CHD6: variants seen among roughly 807,000 people sequenced by gnomAD.
CHD6 encodes ATP-dependent chromatin remodeler CHD6.
A neutral mutation model predicts 276.9 loss-of-function variants in CHD6; 50 were observed. That is an observed-to-expected ratio of 0.18 (90% CI 0.14 to 0.23). The LOEUF is 0.23. Among genes scored for constraint, CHD6 ranks in the 10% least tolerant of loss-of-function variants. The pLI is 1.00. For synonymous variants in CHD6, 1,173 were observed against 1,229.3 expected (o/e 0.95, Z 0.96); for missense variants, 2,564 against 3,365.8 (o/e 0.76, Z 5.89).
chr20:41,559,911 C>T (rs778633509), intron 1 of CHD6, among the ~76,000 whole-genome samples: 37 of 152,026 alleles, frequency 2.4e-4, no homozygotes, highest in Non-Finnish European at 4.7e-4. Context: ...ACTCTCTCTA[C>T]CTGCTCCTGT....
chr20:41,405,666 G>A (rs888993928), intron 36 of CHD6, among the ~76,000 whole-genome samples, 177 bp from the exon 37 acceptor site: 3 of 152,192 alleles, frequency 2.0e-5, no homozygotes, highest in African/African-American at 7.2e-5. Flanking sequence ...GTACCTGACA[G>A]GCTTCTCCCT....
At chr20:41,555,183 C>T (rs2045208701) in intron 1 of CHD6, among the ~76,000 whole-genome samples, 5 of 128,878 alleles carry the variant, frequency 3.9e-5, no homozygotes, top group South Asian at 2.6e-4. Context: ...TAGGGGCGGC[C>T]GGGCAGAGGC....
chr20:41,491,180 T>C (rs1311713226), intron 11 of CHD6, among the ~76,000 whole-genome samples: 1 of 152,062 alleles, frequency 6.6e-6, no homozygotes, highest in Non-Finnish European at 1.5e-5. Context: ...CCTAGCTTAC[T>C]GTAACTTTTT....
intron 14 of CHD6, among the ~76,000 whole-genome samples, chr20:41,485,381 T>C (rs1325313738): frequency 1.3e-5 from 2 of 152,290 alleles, no homozygotes; most frequent in Non-Finnish European, 1.5e-5. Context: ...TTAACTCTGA[T>C]GGTAAAACAA....
chr20:41,423,372 T>G (rs1420693730), intron 30 of CHD6, 120 bp downstream of exon 30: 17 of 878,088 alleles, frequency 1.9e-5, no homozygotes, highest in African/African-American at 3.3e-5. Context: ...CCACTCATCT[T>G]TACCTAAATT....
chr20:41,547,667 C>A, intron 2 of CHD6: 1 of 725,336 alleles, frequency 1.4e-6, no homozygotes, highest in East Asian at 4.2e-5. Flanking sequence ...CCCTAATCAT[C>A]AAAGCCCTCA....
intron 1 of CHD6, among the ~76,000 whole-genome samples, chr20:41,617,120 T>A (rs1419188090): frequency 6.6e-6 from 1 of 152,192 alleles, no homozygotes; most frequent in Non-Finnish European, 1.5e-5. Flanking sequence ...AATGTGTATT[T>A]TCTGTGTTCG....
At chr20:41,549,067 T>C (rs1480930444) in intron 2 of CHD6, among the ~76,000 whole-genome samples, 1 of 152,076 alleles carries the variant, frequency 6.6e-6, no homozygotes, top group Non-Finnish European at 1.5e-5. Flanking sequence ...AGTTCAACCA[T>C]TGTGGAAGTC....
chr20:41,456,139 G>A (rs565594337), intron 18 of CHD6, among the ~76,000 whole-genome samples, 160 bp from the exon 19 acceptor site: 5 of 152,186 alleles, frequency 3.3e-5, no homozygotes, highest in East Asian at 3.9e-4. Flanking sequence ...TCCCAGATGC[G>A]ATACTCTGGG....
At chr20:41,493,993 A>C in intron 8 of CHD6, 49 bp from the exon 9 acceptor site, 1 of 1,365,482 alleles carries the variant, frequency 7.3e-7, no homozygotes, top group Non-Finnish European at 1.0e-6. Flanking sequence ...CCTTGCCTCA[A>C]ATCCAACACC....
Position 41,542,672 on chromosome 20 carries a change from G to A in CHD6, c.33+8633C>T, listed in dbSNP as rs202209513. 1.2e-4 allele frequency among the ~76,000 whole-genome samples: 18 copies of A among 150,802 alleles called. No homozygotes were observed. In the East Asian group the frequency reaches 2.0e-3, roughly 17 times the overall value. ...CGCACCACTGCACTCCAGCCTGGGC[G>A]ACAGAGCGAGACTCCGTCTCAAAAA... is the stretch of plus-strand genomic sequence containing the variant. On this transcript the variant is annotated intron_variant, in intron 2 of 36. Transcript: ENST00000373233.
At chr20:41,559,527 T>G (rs2045279229) in intron 1 of CHD6, among the ~76,000 whole-genome samples, 1 of 152,200 alleles carries the variant, frequency 6.6e-6, no homozygotes, top group African/African-American at 2.4e-5. Context: ...CCATTTCCTC[T>G]TCTTAAAATT....
intron 8 of CHD6, among the ~76,000 whole-genome samples, chr20:41,495,592 G>T (rs1212316700): frequency 6.6e-6 from 1 of 151,800 alleles, no homozygotes; most frequent in Non-Finnish European, 1.5e-5. Context: ...TTTGCTAAGA[G>T]GATAAATCTT....
At chr20:41,572,973 G>C (rs1004327035) in intron 1 of CHD6, among the ~76,000 whole-genome samples, 1 of 151,762 alleles carries the variant, frequency 6.6e-6, no homozygotes, top group Non-Finnish European at 1.5e-5. Context: ...GCAGTGGCAC[G>C]ATCTCGGCTC....
intron 3 of CHD6, among the ~76,000 whole-genome samples, chr20:41,518,035 T>C (rs1409065457): frequency 2.6e-5 from 4 of 152,210 alleles, no homozygotes; most frequent in African/African-American, 7.2e-5. Flanking sequence ...AATTCATAGA[T>C]GTTGATAGTT....
chr20:41,583,520 G>A (rs2045562176), intron 1 of CHD6, among the ~76,000 whole-genome samples: 1 of 152,130 alleles, frequency 6.6e-6, no homozygotes, highest in Admixed American at 6.5e-5. Flanking sequence ...ACAAGAAATG[G>A]TAAACGAAGT....
At position 41,488,411 on chromosome 20, in the gene CHD6, G is replaced by C. The variant is rs1480784420; in HGVS notation, c.1857+17C>G. 6.3e-7 allele frequency: 1 copy of C among 1,595,184 alleles called. No homozygotes were observed. Among genetic ancestry groups the C allele is most frequent in the South Asian group, 1.1e-5 (1 of 87,784 alleles). On this transcript the variant is annotated intron_variant, in intron 13 of 36. Coordinates refer to ENST00000373233, the MANE Select transcript of CHD6 (RefSeq NM_032221.5). Reference sequence around the variant, plus strand: ...CAAAAGGAACCTGTGTTTATGTAAAGAGATGCTAACTCTCACCAGGGCCAT... The same window carrying C: ...CAAAAGGAACCTGTGTTTATGTAAACAGATGCTAACTCTCACCAGGGCCAT...
chr20:41,460,625 G>T (rs1363778059), intron 17 of CHD6, among the ~76,000 whole-genome samples: 1 of 152,234 alleles, frequency 6.6e-6, no homozygotes, highest in Non-Finnish European at 1.5e-5. Flanking sequence ...GAGCCTGAGG[G>T]TGCACAGAAG....
At chr20:41,515,947 G>A (rs2044240128) in intron 3 of CHD6, among the ~76,000 whole-genome samples, 1 of 152,168 alleles carries the variant, frequency 6.6e-6, no homozygotes, top group Non-Finnish European at 1.5e-5. Flanking sequence ...ATTAATGAAT[G>A]GCTATGATTA....
Sources: gnomAD v4.1 joint callset for allele counts (sites outside exome capture counted in the v4.1 genomes callset) on GRCh38, gnomAD v4.1.1 for gene constraint, MANE v1.5 for transcripts, NCBI Gene and HGNC (gene_info 2026-07-23, HGNC 2026-07-21) for gene names.